SHANK2: variants seen among roughly 807,000 people sequenced by gnomAD.
The protein encoded by SHANK2 is SH3 and multiple ankyrin repeat domains protein 2.
In SHANK2, 43 loss-of-function variants were observed where a neutral mutation model predicts 133.7. The ratio of observed to expected loss-of-function variants is 0.32; its 90% CI spans 0.25 to 0.41. The LOEUF (loss-of-function observed/expected upper bound fraction) is 0.41, where lower values mean the gene tolerates loss of function less well. SHANK2 is among the 10% of genes least tolerant of loss of function. The probability of loss-of-function intolerance (pLI) is 1.00; values close to 1 mark genes in which losing one functional copy is unlikely to be tolerated. For synonymous variants in SHANK2, 1,017 were observed against 952.8 expected (o/e 1.07, Z -1.24); for missense variants, 1,994 against 2,235.8 (o/e 0.89, Z 2.18).
intron 17 of SHANK2, among the ~76,000 whole-genome samples, chr11:70,557,406 C>T (rs1440402945): frequency 6.6e-6 from 1 of 152,204 alleles, no homozygotes; most frequent in African/African-American, 2.4e-5. Flanking sequence ...TAAGAAGGGA[C>T]TCACATGGAG....
At chr11:71,096,118 T>C (rs1167824899) in intron 6 of SHANK2, among the ~76,000 whole-genome samples, 2 of 152,228 alleles carry the variant, frequency 1.3e-5, no homozygotes, top group South Asian at 2.1e-4. Flanking sequence ...TCATTCATCC[T>C]GTCTCCATGT....
At position 70,674,125 on chromosome 11, in the gene SHANK2, T is replaced by C. The variant is rs952884192; in HGVS notation, c.1854-12447A>G. ...CTTTCCTCTTCTCTCTCTTTCCTCC[T>C]CTCTTGCCATGTGATGCCAGCTCCC... On this transcript the variant is annotated intron_variant, in intron 15 of 25. Coordinates refer to ENST00000601538, the MANE Select transcript of SHANK2 (RefSeq NM_012309.5). 7.2e-5 allele frequency among the ~76,000 whole-genome samples: 11 copies of C among 152,306 alleles called. No homozygotes were observed. In the East Asian group the frequency reaches 2.1e-3, roughly 29 times the overall value.
chr11:70,761,359 G>C (rs570394895), intron 14 of SHANK2, among the ~76,000 whole-genome samples: 81 of 152,182 alleles, frequency 5.3e-4, no homozygotes, highest in Non-Finnish European at 7.6e-4. Context: ...TCCCTGATCT[G>C]GGACTTTCAC....
At chr11:70,952,691 C>A in intron 10 of SHANK2, 2 of 349,556 alleles carry the variant, frequency 5.7e-6, no homozygotes, top group South Asian at 2.1e-5. Context: ...AAAGGTGAGG[C>A]TGCTTCAGGG....
chr11:70,680,048 G>A (rs1308537980), intron 15 of SHANK2, among the ~76,000 whole-genome samples: 1 of 152,128 alleles, frequency 6.6e-6, no homozygotes, highest in South Asian at 2.1e-4. Flanking sequence ...TGAGAGAGGC[G>A]GCATTTCCTG....
chr11:70,770,749 C>T (rs182841547), intron 14 of SHANK2, among the ~76,000 whole-genome samples: 7 of 152,174 alleles, frequency 4.6e-5, no homozygotes, highest in Non-Finnish European at 8.8e-5. Context: ...CTCCTCTCTC[C>T]GAGGAAAAGT....
At chr11:70,547,944 A>G (rs1033339977) in intron 17 of SHANK2, among the ~76,000 whole-genome samples, 4 of 152,260 alleles carry the variant, frequency 2.6e-5, no homozygotes, top group Admixed American at 6.5e-5. Context: ...AGTTTGAACT[A>G]GAACCGGAAA....
chr11:70,489,489 A>G lies in SHANK2; in HGVS notation c.2552-141T>C, dbSNP rs142546306. On this transcript the variant is annotated intron_variant, in intron 23 of 25. Transcript: ENST00000601538. ...CACTTACTGCCTAGTGACTGCCTAC[A>G]GTTATCCACCTGAGACTCACAAGCA... 4.4e-3 allele frequency: 3,559 copies of G among 814,648 alleles called. 15 individuals are homozygous for G. Among genetic ancestry groups the G allele is most frequent in the Non-Finnish European group, 7.0e-3 (3,206 of 459,204 alleles). The allele number at this position is 814,648 out of a possible 1,614,324, so 50.5% of individuals were successfully genotyped here. A position where few individuals can be genotyped will look rare whatever the true frequency, so the allele number is the denominator to read the frequency against.
intron 17 of SHANK2, among the ~76,000 whole-genome samples, chr11:70,658,720 G>A (rs550895117): frequency 5.3e-5 from 8 of 152,316 alleles, no homozygotes; most frequent in African/African-American, 1.9e-4. Context: ...AAGCTTGGGA[G>A]CTTAGGCCTG....
chr11:70,926,397 T>C (rs1555081626), intron 10 of SHANK2, among the ~76,000 whole-genome samples: 1 of 152,198 alleles, frequency 6.6e-6, no homozygotes, highest in Non-Finnish European at 1.5e-5. Flanking sequence ...CACCGCACTC[T>C]GGCCTGGGTG....
At chr11:70,780,061 C>T (rs1287359372) in intron 14 of SHANK2, among the ~76,000 whole-genome samples, 1 of 152,164 alleles carries the variant, frequency 6.6e-6, no homozygotes, top group Admixed American at 6.5e-5. Context: ...GGGAGCTGCT[C>T]AAAGAATAAA....
At chr11:71,209,150 G>T (rs985002753) in intron 2 of SHANK2, among the ~76,000 whole-genome samples, 1 of 152,144 alleles carries the variant, frequency 6.6e-6, no homozygotes, top group Non-Finnish European at 1.5e-5. Flanking sequence ...GAAGGAGCTG[G>T]TCAGGAACCA....
At chr11:70,952,787 A>G (rs1565426697) in intron 10 of SHANK2, 2 of 235,854 alleles carry the variant, frequency 8.5e-6, no homozygotes, top group Non-Finnish European at 1.8e-5. Context: ...GGGAACTGAC[A>G]CCCACCTATG....
intron 11 of SHANK2, among the ~76,000 whole-genome samples, chr11:70,881,900 T>C (rs1293446232): frequency 1.3e-5 from 2 of 151,900 alleles, no homozygotes; most frequent in African/African-American, 2.4e-5. Flanking sequence ...TTTGTAGAGA[T>C]AGGGTCTTGC....
chr11:70,618,061 G>T (rs1232101635), intron 17 of SHANK2, among the ~76,000 whole-genome samples: 1 of 152,108 alleles, frequency 6.6e-6, no homozygotes, highest in East Asian at 1.9e-4. Context: ...ACTTTGGGGG[G>T]CGAGGCAGGT....
chr11:71,230,665 G>C (rs1355589611), intron 1 of SHANK2, among the ~76,000 whole-genome samples: 1 of 151,938 alleles, frequency 6.6e-6, no homozygotes, highest in African/African-American at 2.4e-5. Context: ...AGTATACTCA[G>C]CTTCAAGATT....
chr11:70,796,803 T>C (rs931206671), intron 14 of SHANK2, among the ~76,000 whole-genome samples: 16 of 152,202 alleles, frequency 1.1e-4, no homozygotes, highest in African/African-American at 3.9e-4. Context: ...CCAAAAAGGC[T>C]AAGACTAGTG....
chr11:71,212,734 C>T (rs1470371807), intron 2 of SHANK2, among the ~76,000 whole-genome samples: 1 of 152,244 alleles, frequency 6.6e-6, no homozygotes, highest in African/African-American at 2.4e-5. Context: ...AATCCACTTC[C>T]TCAACGTCAA....
intron 17 of SHANK2, among the ~76,000 whole-genome samples, chr11:70,609,203 A>G (rs373837617): frequency 4.6e-5 from 7 of 152,186 alleles, no homozygotes; most frequent in Non-Finnish European, 8.8e-5. Flanking sequence ...AGGCTCCGGG[A>G]CGGCCCACCC....
Sources: allele counts gnomAD v4.1 joint callset (sites outside exome capture counted in the v4.1 genomes callset), GRCh38; gene constraint gnomAD v4.1.1; transcripts MANE v1.5; gene names NCBI Gene and HGNC (gene_info 2026-07-23, HGNC 2026-07-21).